Variants in GRHL2 observed in about 807,000 individuals in gnomAD.
GRHL2 encodes the protein grainyhead like transcription factor 2.
A neutral mutation model predicts 83.8 loss-of-function variants in GRHL2; 21 were observed. That is an observed-to-expected ratio of 0.25 (90% CI 0.18 to 0.36). The LOEUF (loss-of-function observed/expected upper bound fraction) is 0.36, where lower values mean the gene tolerates loss of function less well. GRHL2 is among the 10% of genes least tolerant of loss of function. The pLI is 1.00. For synonymous variants in GRHL2, 280 were observed against 278.9 expected (o/e 1.00, Z -0.04); for missense variants, 623 against 781.8 (o/e 0.80, Z 2.42).
intron 14 of GRHL2, among the ~76,000 whole-genome samples, chr8:101,654,742 T>C (rs969253071): frequency 6.6e-6 from 1 of 152,230 alleles, no homozygotes; most frequent in African/African-American, 2.4e-5. Context: ...GGTGACAGTG[T>C]TCCTACAGCC....
chr8:101,574,549 C>A (rs1017406163), intron 6 of GRHL2, among the ~76,000 whole-genome samples: 2 of 152,208 alleles, frequency 1.3e-5, no homozygotes, highest in Admixed American at 1.3e-4. Flanking sequence ...CCATGATGCC[C>A]AGCCCACCTT....
At chr8:101,575,704 C>G (rs908174580) in intron 6 of GRHL2, among the ~76,000 whole-genome samples, 14 of 152,120 alleles carry the variant, frequency 9.2e-5, no homozygotes, top group African/African-American at 3.4e-4. Context: ...AATTTAGACA[C>G]TTGCCAGAAA....
chr8:101,650,522 T>C (rs113945416), intron 14 of GRHL2, among the ~76,000 whole-genome samples: 2,211 of 152,286 alleles, frequency 0.015, 58 homozygotes, highest in African/African-American at 0.051. Flanking sequence ...TTCTTTTGGG[T>C]ATGTTCCAAG....
downstream of GRHL2, among the ~76,000 whole-genome samples, chr8:101,671,136 C>T (rs1048071061): frequency 4.6e-5 from 7 of 152,262 alleles, no homozygotes; most frequent in South Asian, 6.2e-4. Context: ...TCTGAGGTAC[C>T]GGGTTCATCT....
chr8:101,530,638 C>T (rs1810904374), intron 1 of GRHL2, among the ~76,000 whole-genome samples: 1 of 152,110 alleles, frequency 6.6e-6, no homozygotes, highest in South Asian at 2.1e-4. Context: ...TACCCATCAC[C>T]CCATTCAATT....
intron 8 of GRHL2, among the ~76,000 whole-genome samples, chr8:101,608,425 G>C (rs2130338651): frequency 6.6e-6 from 1 of 152,290 alleles, no homozygotes; most frequent in Admixed American, 6.5e-5. Context: ...GCCAGGCGGT[G>C]GAGGGTCCTG....
chr8:101,677,599 GGTGA>G, the GRHL2 span, among the ~76,000 whole-genome samples: 1 of 152,048 alleles, frequency 6.6e-6, no homozygotes, highest in African/African-American at 2.4e-5. Flanking sequence ...TGGTAGCAGA[GGTGA>G]GTATTTAATA....
At chr8:101,535,479 C>T (rs1811026128) in intron 1 of GRHL2, among the ~76,000 whole-genome samples, 1 of 152,160 alleles carries the variant, frequency 6.6e-6, no homozygotes, top group Non-Finnish European at 1.5e-5. Flanking sequence ...GATGGAATGC[C>T]ACTGTTTTGG....
At chr8:101,631,779 C>A in intron 10 of GRHL2, 55 bp downstream of exon 10, 2 of 1,397,824 alleles carry the variant, frequency 1.4e-6, no homozygotes, top group South Asian at 2.3e-5. Flanking sequence ...GGGCTGTGTC[C>A]ACTGGGGGAA....
At chr8:101,538,312 C>T (rs1009550579) in intron 1 of GRHL2, among the ~76,000 whole-genome samples, 1 of 152,190 alleles carries the variant, frequency 6.6e-6, no homozygotes, top group African/African-American at 2.4e-5. Flanking sequence ...GCCTTGGAGA[C>T]TGGCTGGTCT....
intron 14 of GRHL2, among the ~76,000 whole-genome samples, chr8:101,652,754 T>C (rs141282505): frequency 2.6e-4 from 40 of 152,142 alleles, no homozygotes; most frequent in African/African-American, 9.4e-4. Flanking sequence ...ATTGTTAAAA[T>C]GGAAATAATA....
intron 12 of GRHL2, among the ~76,000 whole-genome samples, chr8:101,639,765 T>C (rs1385946011): frequency 1.3e-5 from 2 of 152,244 alleles, no homozygotes; most frequent in African/African-American, 4.8e-5. Flanking sequence ...GAGGCCACCA[T>C]ATGTGTTCAC....
intron 7 of GRHL2, among the ~76,000 whole-genome samples, chr8:101,581,042 A>G (rs189204115): frequency 2.0e-5 from 3 of 152,278 alleles, no homozygotes; most frequent in African/African-American, 4.8e-5. Context: ...TCTCTCCACC[A>G]TATACTGCCT....
At chr8:101,589,700 G>T (rs6991967) in intron 7 of GRHL2, among the ~76,000 whole-genome samples, 99,109 of 151,970 alleles carry the variant, frequency 0.65, 32,958 homozygotes, top group Non-Finnish European at 0.71. Context: ...AACACAAATG[G>T]TATCTGTGAG....
At chr8:101,507,732 G>GT (rs1399635812) in intron 1 of GRHL2, among the ~76,000 whole-genome samples, 2 of 115,220 alleles carry the variant, frequency 1.7e-5, no homozygotes, top group Non-Finnish European at 3.7e-5. Flanking sequence ...ATTTTTCCCT[G>GT]TTTTTTACTA....
At chr8:101,546,492 C>T (rs953298986) in intron 2 of GRHL2, among the ~76,000 whole-genome samples, 2 of 151,660 alleles carry the variant, frequency 1.3e-5, no homozygotes, top group Non-Finnish European at 2.9e-5. Flanking sequence ...TCACTGTAAC[C>T]TCTGTCTCCC....
the GRHL2 span, among the ~76,000 whole-genome samples, chr8:101,677,888 A>G: frequency 1.3e-5 from 2 of 152,048 alleles, no homozygotes; most frequent in Non-Finnish European, 2.9e-5. Flanking sequence ...TGAATAGATC[A>G]TTGGTGATAC....
intron 13 of GRHL2, among the ~76,000 whole-genome samples, chr8:101,647,406 CT>C (rs5893579): frequency 1.3e-5 from 2 of 151,278 alleles, no homozygotes; most frequent in East Asian, 1.9e-4. Flanking sequence ...CTGGAAATTC[CT>C]TTTTTTTTCC....
intron 9 of GRHL2, among the ~76,000 whole-genome samples, chr8:101,630,688 G>A (rs60656483): frequency 6.6e-6 from 1 of 152,186 alleles, no homozygotes; most frequent in Non-Finnish European, 1.5e-5. Flanking sequence ...AGGAGTTTAG[G>A]TTGGAGATGT....
Sources: allele counts gnomAD v4.1 joint callset (sites outside exome capture counted in the v4.1 genomes callset), GRCh38; gene constraint gnomAD v4.1.1; transcripts MANE v1.5; gene names NCBI Gene and HGNC (gene_info 2026-07-23, HGNC 2026-07-21).